The following KCNH5 variants were observed in gnomAD, a reference collection of about 807,000 sequenced individuals.
KCNH5 encodes the protein potassium voltage-gated channel subfamily H member 5.
KCNH5 carries 46 observed loss-of-function variants against 96.1 expected under a neutral mutation model. The observed-to-expected ratio is 0.48, with a 90% confidence interval of 0.38 to 0.61. The LOEUF (loss-of-function observed/expected upper bound fraction) is 0.61. KCNH5 is among the 20% of genes least tolerant of loss of function. KCNH5 has a pLI of 0.00. For missense variants in KCNH5, 907 were observed against 1,225.8 expected (o/e 0.74, Z 3.88); for synonymous variants, 439 against 449.8 (o/e 0.98, Z 0.30).
At chr14:62,717,973 T>G (rs980658315) in intron 10 of KCNH5, among the ~76,000 whole-genome samples, 1 of 152,066 alleles carries the variant, frequency 6.6e-6, no homozygotes, top group Non-Finnish European at 1.5e-5. Flanking sequence ...TGTGCAGCAA[T>G]ATGGAGGCAG....
At chr14:62,792,734 C>T (rs1224731739) in intron 9 of KCNH5, among the ~76,000 whole-genome samples, 5 of 151,632 alleles carry the variant, frequency 3.3e-5, no homozygotes, top group South Asian at 2.1e-4. Context: ...ATTCAATTAA[C>T]GAATCTGACA....
At chr14:62,866,197 C>T (rs1888131110) in intron 7 of KCNH5, among the ~76,000 whole-genome samples, 1 of 152,126 alleles carries the variant, frequency 6.6e-6, no homozygotes, top group African/African-American at 2.4e-5. Flanking sequence ...TAGTTAATTG[C>T]TTATGATGAA....
chr14:62,878,492 C>T (rs909424191), intron 7 of KCNH5, among the ~76,000 whole-genome samples: 9 of 151,988 alleles, frequency 5.9e-5, no homozygotes, highest in Non-Finnish European at 1.2e-4. Flanking sequence ...TAAACTTTCT[C>T]CACTTCCAAA....
In KCNH5 at chr14:63,028,529, C is replaced by T. The variant is rs150344122; in HGVS notation, c.74-11575G>A. ...CCAAGGTCAGAAGTGGCAACTAGAA[C>T]ACATGTTCCTTAAATTCTAATTCTT... On this transcript the variant is annotated intron_variant, in intron 1 of 10. Coordinates refer to ENST00000322893, the MANE Select transcript of KCNH5 (RefSeq NM_139318.5). 1.2e-3 allele frequency among the ~76,000 whole-genome samples: 185 copies of T among 152,264 alleles called. 1 individual carries two copies. Among genetic ancestry groups the T allele is most frequent in the African/African-American group, 4.4e-3 (182 of 41,566 alleles).
intron 6 of KCNH5, among the ~76,000 whole-genome samples, chr14:62,977,979 G>C (rs944573309): frequency 2.0e-5 from 3 of 152,122 alleles, no homozygotes; most frequent in Non-Finnish European, 4.4e-5. Context: ...TGCAGTTATG[G>C]ACAAGTTATA....
intron 1 of KCNH5, among the ~76,000 whole-genome samples, chr14:63,034,230 TA>T (rs1891681884): frequency 6.6e-6 from 1 of 152,216 alleles, no homozygotes; most frequent in Non-Finnish European, 1.5e-5. Context: ...TATTATTTTT[TA>T]AATGTGTCTT....
At chr14:62,821,338 T>C (rs938043134) in intron 8 of KCNH5, among the ~76,000 whole-genome samples, 1 of 152,180 alleles carries the variant, frequency 6.6e-6, no homozygotes, top group Admixed American at 6.6e-5. Context: ...ACACTGCTAG[T>C]TGTTTACTTA....
At chr14:62,963,990 T>C (rs1890260234) in intron 6 of KCNH5, among the ~76,000 whole-genome samples, 1 of 152,132 alleles carries the variant, frequency 6.6e-6, no homozygotes. Context: ...TATGTGATCA[T>C]ATGGAATGTT....
At chr14:62,775,557 T>C (rs1477067335) in intron 10 of KCNH5, among the ~76,000 whole-genome samples, 1 of 152,210 alleles carries the variant, frequency 6.6e-6, no homozygotes, top group East Asian at 1.9e-4. Flanking sequence ...GAACTCTCCA[T>C]TTCCACAGTA....
At position 62,729,644 on chromosome 14, in the gene KCNH5, C is replaced by G. The variant is rs949664324; in HGVS notation, c.2020-21189G>C. 2.6e-5 allele frequency among the ~76,000 whole-genome samples: 4 copies of G among 152,304 alleles called. No homozygotes were observed. The South Asian group carries it at 8.3e-4, about 32-fold the overall frequency. Reference sequence around the variant, plus strand: ...TAAGCCATAGAGTCAATCTCTATGGCAGAGATGACTAAGATCCCCAAACTA... The same window carrying G: ...TAAGCCATAGAGTCAATCTCTATGGGAGAGATGACTAAGATCCCCAAACTA... On this transcript the variant is annotated intron_variant, in intron 10 of 10. Transcript: ENST00000322893.
intron 5 of KCNH5, among the ~76,000 whole-genome samples, chr14:62,982,642 A>C (rs1163021147): frequency 6.6e-6 from 1 of 152,260 alleles, no homozygotes. Context: ...AAACAAATAT[A>C]CTAGCATCTT....
intron 10 of KCNH5, among the ~76,000 whole-genome samples, chr14:62,730,326 T>G (rs1286712767): frequency 2.0e-5 from 3 of 152,186 alleles, no homozygotes. Context: ...AAAGCCAAAA[T>G]AAAGTAGCTG....
At chr14:62,854,421 A>T (rs1232176333) in intron 7 of KCNH5, among the ~76,000 whole-genome samples, 1 of 152,186 alleles carries the variant, frequency 6.6e-6, no homozygotes, top group African/African-American at 2.4e-5. Context: ...GAAGGAATAT[A>T]CACTGTTAAG....
chr14:62,952,117 AAGG>A (rs1392429250), intron 6 of KCNH5, among the ~76,000 whole-genome samples: 1 of 152,182 alleles, frequency 6.6e-6, no homozygotes, highest in Non-Finnish European at 1.5e-5. Context: ...TATAGAAACA[AAGG>A]AGTAGCAGGG....
At chr14:62,915,063 G>A (rs191723451) in intron 7 of KCNH5, among the ~76,000 whole-genome samples, 1 of 152,336 alleles carries the variant, frequency 6.6e-6, no homozygotes, top group East Asian at 1.9e-4. Context: ...ATGCACCACA[G>A]GTGTGAACCA....
intron 7 of KCNH5, among the ~76,000 whole-genome samples, chr14:62,934,475 T>G (rs192570573): frequency 3.3e-5 from 5 of 152,322 alleles, no homozygotes; most frequent in Admixed American, 2.0e-4. Context: ...TGTTCTCTTC[T>G]GTATCCAATG....
chr14:62,900,129 CA>C (rs977954459), intron 7 of KCNH5, among the ~76,000 whole-genome samples: 33 of 151,896 alleles, frequency 2.2e-4, no homozygotes, highest in African/African-American at 7.7e-4. Context: ...GTTTGTTGAC[CA>C]AAAAAATCCA....
At chr14:62,852,543 T>A (rs1887827120) in intron 7 of KCNH5, among the ~76,000 whole-genome samples, 1 of 151,604 alleles carries the variant, frequency 6.6e-6, no homozygotes, top group African/African-American at 2.4e-5. Context: ...TAGTAATATA[T>A]CAAAACCAGG....
At chr14:62,911,064 G>C (rs1027568019) in intron 7 of KCNH5, among the ~76,000 whole-genome samples, 3 of 151,894 alleles carry the variant, frequency 2.0e-5, no homozygotes, top group African/African-American at 7.3e-5. Context: ...TACTACTTAA[G>C]AGTAGGGGCA....
Sources: allele counts gnomAD v4.1 joint callset (sites outside exome capture counted in the v4.1 genomes callset), GRCh38; gene constraint gnomAD v4.1.1; transcripts MANE v1.5; gene names NCBI Gene and HGNC (gene_info 2026-07-23, HGNC 2026-07-21).